Variants in MCM3AP observed in about 807,000 individuals in gnomAD.
The protein encoded by MCM3AP is minichromosome maintenance complex component 3 associated protein, also known as germinal-center associated nuclear protein.
In MCM3AP, 126 loss-of-function variants were observed where a neutral mutation model predicts 184.1. The ratio of observed to expected loss-of-function variants is 0.68; its 90% confidence interval spans 0.59 to 0.79. MCM3AP has a LOEUF of 0.79. Ranked by LOEUF, MCM3AP falls within the 30% of genes least tolerant of loss-of-function variation. MCM3AP has a pLI of 0.00. For synonymous variants in MCM3AP, 1,002 were observed against 979.3 expected (o/e 1.02, Z -0.43); for missense variants, 2,496 against 2,479.2 (o/e 1.01, Z -0.14).
At chr21:46,260,543 T>C (rs2081028309) in intron 15 of MCM3AP, among the ~76,000 whole-genome samples, 2 of 152,242 alleles carry the variant, frequency 1.3e-5, no homozygotes, top group Admixed American at 1.3e-4. Flanking sequence ...TAAATGCCAG[T>C]GGCTAATAAG....
intron 22 of MCM3AP, 102 bp downstream of exon 22, chr21:46,246,205 G>A (rs1476344540): frequency 6.8e-6 from 5 of 732,050 alleles, no homozygotes; most frequent in Non-Finnish European, 1.2e-5. Context: ...TGTCTCTTAA[G>A]AAAAAGACAA....
chr21:46,268,130 G>C (rs1034262044), intron 9 of MCM3AP: 2 of 152,156 alleles, frequency 1.3e-5, no homozygotes. Flanking sequence ...CCGGGAGGTG[G>C]AGGTTTCAGT....
intron 20 of MCM3AP, among the ~76,000 whole-genome samples, chr21:46,248,596 T>G (rs17183179): frequency 0.015 from 1,880 of 123,448 alleles, 34 homozygotes; most frequent in African/African-American, 0.053. Flanking sequence ...ATAAAAGAGA[T>G]AAACTGGAGT....
chr21:46,285,599 G>C lies in MCM3AP; in HGVS notation c.-313C>G, dbSNP rs939168898. The C allele has an allele frequency of 4.3e-6, 1 of 232,200 alleles. No individual in the cohort carries two copies. The allele number at this position is 232,200 out of a possible 1,614,324, so 14.4% of individuals were successfully genotyped here. ...ACTTTGTTACAGAGGTTTAAAGCGTGATCCTTTAAGATTAAAAAAAAAAAA... is the reference window on the plus strand; with the variant it reads ...ACTTTGTTACAGAGGTTTAAAGCGTCATCCTTTAAGATTAAAAAAAAAAAA... On this transcript the variant is annotated 5_prime_UTR_variant, in exon 1 of 28. In the 5' UTR this introduces an upstream ATG that the reference lacks. Transcript: ENST00000291688.
intron 4 of MCM3AP, among the ~76,000 whole-genome samples, chr21:46,279,058 G>A (rs994312476): frequency 6.6e-6 from 1 of 151,340 alleles, no homozygotes; most frequent in Non-Finnish European, 1.5e-5. Context: ...TGGTTTGGCC[G>A]GGCATGCATC....
At chr21:46,263,873 G>C (rs2081074066) in intron 13 of MCM3AP, among the ~76,000 whole-genome samples, 1 of 139,750 alleles carries the variant, frequency 7.2e-6, no homozygotes. Context: ...AATCCCAACA[G>C]CACTTTCTGC....
chr21:46,243,735 T>G lies in MCM3AP; in HGVS notation c.5039-13A>C, dbSNP rs1347186416. 1.2e-6 allele frequency: 2 copies of G among 1,612,592 alleles called. No homozygotes were observed. Among genetic ancestry groups the G allele is most frequent in the Admixed American group, 3.3e-5 (2 of 59,848 alleles). On this transcript the variant is annotated splice_polypyrimidine_tract_variant and intron_variant, in intron 23 of 27. Coordinates refer to ENST00000291688, the MANE Select transcript of MCM3AP (RefSeq NM_003906.5). Reference sequence around the variant, plus strand: ...GGGAGCCAGGGGGCTGGGGAGAAAGTGCCTCATTAGTTACAGGTTTGGCCA... The same window carrying G: ...GGGAGCCAGGGGGCTGGGGAGAAAGGGCCTCATTAGTTACAGGTTTGGCCA...
chr21:46,263,993 C>G (rs1379185345), intron 13 of MCM3AP, 124 bp downstream of exon 13: 2 of 582,404 alleles, frequency 3.4e-6, no homozygotes, highest in Non-Finnish European at 6.1e-6. Flanking sequence ...GACACTGTAT[C>G]TGGCAATAAC....
chr21:46,252,236 A>C (rs1161096344), intron 19 of MCM3AP: 3 of 152,186 alleles, frequency 2.0e-5, no homozygotes, highest in African/African-American at 7.2e-5. Context: ...GCTCATTCTA[A>C]TGTGACTTAA....
chr21:46,243,898 G>A, intron 23 of MCM3AP, 176 bp from the exon 24 acceptor site: 1 of 639,868 alleles, frequency 1.6e-6, no homozygotes. Flanking sequence ...CTAGGTGAGG[G>A]ATGCAGACAG....
chr21:46,248,550 T>G (rs539364366), intron 20 of MCM3AP, among the ~76,000 whole-genome samples: 1 of 149,080 alleles, frequency 6.7e-6, no homozygotes, highest in Non-Finnish European at 1.5e-5. Context: ...TATAGACAGA[T>G]AGCCTTGGGT....
At chr21:46,258,737 A>ATGTGTGTGTGTGTGTGTGTGTGTG (rs55695472) in intron 16 of MCM3AP, among the ~76,000 whole-genome samples, 2 of 150,086 alleles carry the variant, frequency 1.3e-5, no homozygotes, top group African/African-American at 4.9e-5. Context: ...CTTATATTGT[A>ATGTGTGTGTGTGTGTGTGTGTGTG]TGTGTGTGTG....
intron 7 of MCM3AP, 35 bp downstream of exon 7, chr21:46,273,353 G>A: frequency 6.3e-7 from 1 of 1,590,104 alleles, no homozygotes; most frequent in Non-Finnish European, 8.6e-7. Flanking sequence ...AATTTGCGTG[G>A]ATTTTTTAGC....
intron 20 of MCM3AP, chr21:46,247,644 A>G (rs1026772800): frequency 6.6e-6 from 1 of 152,270 alleles, no homozygotes; most frequent in East Asian, 1.9e-4. Flanking sequence ...GGTGTGAGCC[A>G]CCGCGCCCAC....
At chr21:46,251,456 G>A in intron 20 of MCM3AP, 73 bp downstream of exon 20, 1 of 1,287,916 alleles carries the variant, frequency 7.8e-7, no homozygotes, top group Non-Finnish European at 1.1e-6. Flanking sequence ...GTATTTGCAT[G>A]GTTCCAGTGA....
In MCM3AP at chr21:46,245,038, G is replaced by GAGAAGCAAGACCGCCC; in HGVS notation, c.4791_4806dup (p.Gln1603GlyfsTer13). On this transcript the variant is annotated frameshift_variant, in exon 23 of 28. Coordinates refer to ENST00000291688, the MANE Select transcript of MCM3AP (RefSeq NM_003906.5). LOFTEE classifies it high-confidence loss of function. ...AGCTCAATGATGGCGCCAGGCTCCT[G>GAGAAGCAAGACCGCCC]AGAAGCAAGACCGCCCAGACGCCTC... 6.2e-7 allele frequency: 1 copy of GAGAAGCAAGACCGCCC among 1,614,226 alleles called. No homozygotes were observed. The highest frequency in any genetic ancestry group is 8.5e-7 in the Non-Finnish European group (1 of 1,180,044).
At position 46,271,269 on chromosome 21, in the gene MCM3AP, C is replaced by T. The variant is rs1335882131; in HGVS notation, c.2466-706G>A. ...TTCAACCTCCTGGCCTCAAGCAACC[C>T]TCTCATCTCGGCCTCCCAAAGTGCT... On this transcript the variant is annotated intron_variant, in intron 8 of 27. Coordinates refer to ENST00000291688, the MANE Select transcript of MCM3AP (RefSeq NM_003906.5). Among the ~76,000 whole-genome samples the T allele has an allele frequency of 1.3e-5, 2 of 151,142 alleles. 1 individual carries two copies. Among genetic ancestry groups the T allele is most frequent in the Middle Eastern group, 6.3e-3 (2 of 316 alleles).
intron 17 of MCM3AP, 173 bp downstream of exon 17, chr21:46,256,616 G>T: frequency 2.7e-6 from 2 of 731,156 alleles, no homozygotes; most frequent in Non-Finnish European, 4.4e-6. Flanking sequence ...ACAACTGTGG[G>T]AGACAACCTT....
rs2081271659 is a variant in MCM3AP at position 46,277,566 on chromosome 21, A to G, written c.1819T>C (p.Tyr607His). Residue 607 changes from tyrosine (Y) to histidine (H), a missense_variant, in exon 5 of 28, where the codon TAC becomes CAC. Tyr to His is a moderately conservative substitution (Grantham distance 83, BLOSUM62 2). Around this residue, in one of 5 missense-constraint regions of MCM3AP, gnomAD observed 130 missense variants for 199.8 expected, o/e 0.65. Coordinates refer to ENST00000291688, the MANE Select transcript of MCM3AP (RefSeq NM_003906.5). The stretch of plus-strand genomic sequence containing the variant: ...CTGTCTCTCTGGTCAAGCAGGCGGT[A>G]CTTCTCCTTGGATGTCTCAGCCACA... Reference protein sequence around the residue: ...GTVAETSKEKYRLLDQRDRIM... With the variant: ...GTVAETSKEKHRLLDQRDRIM... 14 of 1,602,126 alleles carry G rather than the reference A, an allele frequency of 8.7e-6. No homozygotes were observed. Among genetic ancestry groups the G allele is most frequent in the Non-Finnish European group, 1.0e-5 (12 of 1,174,698 alleles).
Sources: gnomAD v4.1 joint callset for allele counts (sites outside exome capture counted in the v4.1 genomes callset) on GRCh38, gnomAD v4.1.1 for gene constraint, gnomAD v4.1.1 regional missense constraint, MANE v1.5 for transcripts, NCBI Gene and HGNC (gene_info 2026-07-23, HGNC 2026-07-21) for gene names.